The following ZNF407 variants were observed in gnomAD, a reference collection of about 807,000 sequenced individuals.
ZNF407 encodes the protein zinc finger protein 407.
In ZNF407, 17 loss-of-function variants were observed where a neutral mutation model predicts 131.2. The ratio of observed to expected loss-of-function variants is 0.13; its 90% CI spans 0.09 to 0.19. ZNF407 has a LOEUF of 0.19. Ranked by LOEUF, ZNF407 falls within the 10% of genes least tolerant of loss-of-function variation. The probability of loss-of-function intolerance (pLI) is 1.00; values close to 1 mark genes in which losing one functional copy is unlikely to be tolerated. For synonymous variants in ZNF407, 1,156 were observed against 1,062.0 expected, an observed-to-expected ratio of 1.09 and a Z score of -1.72; for missense variants, 2,681 against 2,830.6, an observed-to-expected ratio of 0.95 and a Z score of 1.20.
In ZNF407 at chr18:74,629,925, C is replaced by T. The variant is rs374145982; in HGVS notation, c.-53-1042C>T. 1.1e-4 allele frequency among the ~76,000 whole-genome samples: 17 copies of T among 152,112 alleles called. No homozygotes were observed. In the East Asian group the frequency reaches 3.1e-3, roughly 28 times the overall value. The stretch of plus-strand genomic sequence containing the variant: ...ATTCTTTTTTTTCTCAAAATTTACT[C>T]CATTAATTCTACTCTACCACTGACA... On this transcript the variant is annotated intron_variant, in intron 1 of 8. Transcript: ENST00000299687.
chr18:74,838,105 T>C (rs1970583319), intron 4 of ZNF407, among the ~76,000 whole-genome samples: 2 of 152,254 alleles, frequency 1.3e-5, no homozygotes, highest in South Asian at 4.1e-4. Flanking sequence ...GTTGTATTTC[T>C]ACCCCTGTTG....
chr18:74,968,560 G>A (rs1451835834), intron 8 of ZNF407, among the ~76,000 whole-genome samples: 1 of 152,106 alleles, frequency 6.6e-6, no homozygotes, highest in African/African-American at 2.4e-5. Context: ...ATATAGTTTT[G>A]CCAGACAGGA....
chr18:74,816,481 A>T (rs568288691), intron 4 of ZNF407, among the ~76,000 whole-genome samples: 1 of 152,198 alleles, frequency 6.6e-6, no homozygotes, highest in Non-Finnish European at 1.5e-5. Context: ...TTCTGTTTCT[A>T]TAAATGCATT....
At chr18:75,031,176 A>G (rs1395676286) in intron 8 of ZNF407, among the ~76,000 whole-genome samples, 1 of 152,228 alleles carries the variant, frequency 6.6e-6, no homozygotes, top group Non-Finnish European at 1.5e-5. Flanking sequence ...AGGGGAGCTG[A>G]TTAATAAGGG....
chr18:74,710,150 C>T (rs1967723376), intron 3 of ZNF407, among the ~76,000 whole-genome samples: 1 of 152,086 alleles, frequency 6.6e-6, no homozygotes, highest in East Asian at 1.9e-4. Flanking sequence ...ATAAATTTAG[C>T]TTTAAAACAA....
At chr18:74,649,244 A>G (rs1599040317) in intron 3 of ZNF407, among the ~76,000 whole-genome samples, 1 of 152,220 alleles carries the variant, frequency 6.6e-6, no homozygotes, top group Non-Finnish European at 1.5e-5. Context: ...TGAAGGACCA[A>G]TAAAGTGTTA....
In ZNF407 at chr18:74,964,777, T is replaced by G. The variant is rs142070450; in HGVS notation, c.5428+44085T>G. ...CTTGCTTTTTGATCCATAGGATTCA[T>G]TTTTGTAACCAAGATTTCTCAAAGT... On this transcript the variant is annotated intron_variant, in intron 8 of 8. Transcript: ENST00000299687. 1.4e-3 allele frequency among the ~76,000 whole-genome samples: 216 copies of G among 152,332 alleles called. 2 individuals carry two copies. Among genetic ancestry groups the G allele is most frequent in the African/African-American group, 4.9e-3 (205 of 41,582 alleles).
chr18:74,607,363 G>C (rs1406153355), intron 1 of ZNF407, among the ~76,000 whole-genome samples: 1 of 152,114 alleles, frequency 6.6e-6, no homozygotes, highest in Non-Finnish European at 1.5e-5. Flanking sequence ...CTTGTAAGAG[G>C]AGATTAAGTA....
chr18:74,959,960 A>G (rs140143524), intron 8 of ZNF407, among the ~76,000 whole-genome samples: 2 of 152,322 alleles, frequency 1.3e-5, no homozygotes, highest in Non-Finnish European at 2.9e-5. Context: ...TTCAGGGCCT[A>G]TGCTTAGTGT....
chr18:74,934,538 G>A (rs1972017577), intron 8 of ZNF407, among the ~76,000 whole-genome samples: 1 of 152,330 alleles, frequency 6.6e-6, no homozygotes, highest in South Asian at 2.1e-4. Flanking sequence ...GCTGGGCATG[G>A]TGGCTCACGC....
intron 3 of ZNF407, among the ~76,000 whole-genome samples, chr18:74,718,439 A>T (rs576103742): frequency 6.6e-6 from 1 of 152,066 alleles, no homozygotes; most frequent in East Asian, 1.9e-4. Flanking sequence ...TGGAAGGATC[A>T]CTTGAGCCCA....
intron 8 of ZNF407, among the ~76,000 whole-genome samples, chr18:74,938,656 A>G (rs1375026039): frequency 6.6e-6 from 1 of 152,210 alleles, no homozygotes; most frequent in Non-Finnish European, 1.5e-5. Flanking sequence ...GGATGAATGT[A>G]GATTGCACCT....
intron 4 of ZNF407, among the ~76,000 whole-genome samples, chr18:74,814,009 G>T (rs571559430): frequency 7.9e-5 from 12 of 152,278 alleles, no homozygotes; most frequent in African/African-American, 2.9e-4. Context: ...TGTGTTGGAT[G>T]TGTGGTTCCT....
intron 1 of ZNF407, among the ~76,000 whole-genome samples, chr18:74,625,644 A>G (rs1011368137): frequency 6.6e-6 from 1 of 152,270 alleles, no homozygotes; most frequent in Non-Finnish European, 1.5e-5. Context: ...ATAGAATAGT[A>G]TAATGAATCC....
intron 8 of ZNF407, among the ~76,000 whole-genome samples, chr18:75,056,571 A>T (rs1027231127): frequency 1.3e-5 from 2 of 152,226 alleles, no homozygotes; most frequent in Admixed American, 1.3e-4. Flanking sequence ...AAGTAGCTCA[A>T]AGGCAGGGAG....
At chr18:74,991,790 G>T (rs569592481) in intron 8 of ZNF407, among the ~76,000 whole-genome samples, 2 of 152,276 alleles carry the variant, frequency 1.3e-5, no homozygotes, top group Non-Finnish European at 2.9e-5. Context: ...ATGTATCCCA[G>T]ACTCAGCATT....
chr18:74,997,234 CT>C (rs1568295959), intron 8 of ZNF407, among the ~76,000 whole-genome samples: 1 of 152,130 alleles, frequency 6.6e-6, no homozygotes, highest in Non-Finnish European at 1.5e-5. Context: ...TCGATTTCTG[CT>C]TGAATGAATT....
At chr18:74,853,357 A>T (rs1970816047) in intron 4 of ZNF407, among the ~76,000 whole-genome samples, 2 of 152,126 alleles carry the variant, frequency 1.3e-5, no homozygotes, top group Admixed American at 1.3e-4. Context: ...GTTTCTTAGG[A>T]GGAGGATTTT....
chr18:75,044,894 G>A (rs1004136580), intron 8 of ZNF407, among the ~76,000 whole-genome samples: 13 of 152,182 alleles, frequency 8.5e-5, no homozygotes, highest in African/African-American at 3.1e-4. Context: ...GTTCTTCCAG[G>A]TACTTCACCA....
Sources: allele counts gnomAD v4.1 joint callset (sites outside exome capture counted in the v4.1 genomes callset), GRCh38; gene constraint gnomAD v4.1.1; transcripts MANE v1.5; gene names NCBI Gene and HGNC (gene_info 2026-07-23, HGNC 2026-07-21).